PEAR1: variants seen among roughly 807,000 people sequenced by gnomAD.
The protein encoded by PEAR1 is multiple EGF-like domains protein 12.
PEAR1 carries 113 observed loss-of-function variants against 131.2 expected under a neutral mutation model. The observed-to-expected ratio is 0.86, with a 90% CI of 0.74 to 1.01. The LOEUF (loss-of-function observed/expected upper bound fraction) is 1.01, where lower values mean the gene tolerates loss of function less well. Ranked by LOEUF, PEAR1 falls within the 50% of genes least tolerant of loss-of-function variation. The pLI, the probability that PEAR1 is intolerant of heterozygous loss-of-function variation, is 0.00. For synonymous variants in PEAR1, 565 were observed against 523.3 expected, an observed-to-expected ratio of 1.08 and a Z score of -1.09; for missense variants, 1,408 against 1,391.1, an observed-to-expected ratio of 1.01 and a Z score of -0.19.
chr1:156,914,573 T>G (rs749256), intron 22 of PEAR1, 74 bp from the exon 23 acceptor site: 1 of 1,431,146 alleles, frequency 7.0e-7, no homozygotes, highest in Non-Finnish European at 9.5e-7. Flanking sequence ...AGGAGAGGAG[T>G]GCAGTGGGAG....
At chr1:156,910,538 A>T (rs1650943906) in intron 14 of PEAR1, 80 bp from the exon 15 acceptor site, 1 of 1,575,926 alleles carries the variant, frequency 6.3e-7, no homozygotes. Context: ...TGCAGTGGGA[A>T]GGTGGGAGGG....
rs1651353798 is a variant in PEAR1, at chr1:156,912,613, T to C, written c.2200T>C (p.Cys734Arg). 1 of 1,613,372 alleles carries C rather than the reference T, an allele frequency of 6.2e-7. No homozygotes were observed. The highest frequency in any genetic ancestry group is 8.5e-7 in the Non-Finnish European group (1 of 1,179,768). ...TCCCCCAGGGCACAGTGGTGCACCTTGCAGGATTGGTGAGTTCTTTGCCCT... is the reference window on the plus strand; with the variant it reads ...TCCCCCAGGGCACAGTGGTGCACCTCGCAGGATTGGTGAGTTCTTTGCCCT... ...VCPPGHSGAP[C>R]RIGIQEPFTV... The change falls in exon 17 of 23, where the codon TGC (cysteine) becomes CGC (arginine). Residue 734 changes from cysteine (C) to arginine (R), a missense_variant. Transcript: ENST00000292357.
rs368812212 is a variant in PEAR1 at position 156,907,675 on chromosome 1, A to G, written c.710A>G (p.Asn237Ser). The G allele has an allele frequency of 4.3e-6, 7 of 1,613,778 alleles. No homozygotes were observed. The highest frequency in any genetic ancestry group is 1.3e-5 in the African/African-American group (1 of 74,906). The change falls in exon 7 of 23, where the codon AAT becomes AGT. Residue 237 changes from asparagine to serine, a missense_variant. Physicochemically the swap from Asn to Ser is conservative, Grantham distance 46. Transcript: ENST00000292357. ...TGCCCCAGCACCCATTCTTGCCAAAATGGAGGTGTCTTCCAAACCCCACAG... is the reference window on the plus strand; with the variant it reads ...TGCCCCAGCACCCATTCTTGCCAAAGTGGAGGTGTCTTCCAAACCCCACAG... ...FFCPSTHSCQNGGVFQTPQGS... is the reference protein window; with the variant it reads ...FFCPSTHSCQSGGVFQTPQGS...
At position 156,913,494 on chromosome 1, in the gene PEAR1, G is replaced by A. The variant is rs533326674; in HGVS notation, c.2615G>A (p.Arg872Gln). The change falls in exon 20 of 23, where the codon CGG becomes CAG. Residue 872 changes from arginine (R) to glutamine (Q), a missense_variant. Arg to Gln is a conservative substitution (Grantham distance 43, BLOSUM62 1). Transcript: ENST00000292357. ...CTGCCTGCTGACTGGAAGCACCGCC[G>A]GGAGCCCCCTCCAGGGCCTCTGGAC... is the stretch of plus-strand genomic sequence containing the variant. ...TTLPADWKHRREPPPGPLDRG... is the reference protein window; with the variant it reads ...TTLPADWKHRQEPPPGPLDRG... 30 of 1,613,058 alleles carry A rather than the reference G, an allele frequency of 1.9e-5. No homozygotes were observed. Among genetic ancestry groups the A allele is most frequent in the East Asian group, 4.5e-5 (2 of 44,886 alleles).
intron 1 of PEAR1, among the ~76,000 whole-genome samples, chr1:156,901,746 CG>C (rs1394989847): frequency 2.6e-5 from 4 of 151,934 alleles, no homozygotes; most frequent in Admixed American, 2.6e-4. Flanking sequence ...ATGGAGGGCT[CG>C]GGGTCCTGAC....
At position 156,906,705 on chromosome 1, in the gene PEAR1, G is replaced by A. The variant is rs776225430; in HGVS notation, c.469G>A (p.Asp157Asn). 15 of 1,613,980 alleles carry A rather than the reference G, an allele frequency of 9.3e-6. No individual in the cohort carries two copies. Among genetic ancestry groups the A allele is most frequent in the Middle Eastern group, 1.6e-4 (1 of 6,084 alleles). The change falls in exon 6 of 23, where the codon GAT (aspartate) becomes AAT (asparagine). Residue 157 changes from aspartate (D) to asparagine (N), a missense_variant. Transcript: ENST00000292357. Reference protein sequence around the residue: ...PCSCGNNSSCDPKSGVCSCPS... With the variant: ...PCSCGNNSSCNPKSGVCSCPS... ...CAGCTGCGGCAACAACAGCTCGTGT[G>A]ATCCCAAGAGTGGGGTATGTTCTTG...
rs932613655 is a variant in PEAR1 at position 156,902,898 on chromosome 1, C to T, written c.-9-1020C>T. ...GTGGGGATGGAGAGGACCCCATTTC[C>T]GAATGGCTGACAGGGCAGTCTGAGG... On this transcript the variant is annotated intron_variant, in intron 1 of 22. Coordinates refer to ENST00000292357, the MANE Select transcript of PEAR1 (RefSeq NM_001080471.3). This position sits in a 1 kb window ranked among gnomAD's most constrained non-coding sequence, Gnocchi z 4.3. 3.9e-5 allele frequency among the ~76,000 whole-genome samples: 6 copies of T among 152,092 alleles called. No individual in the cohort carries two copies. The highest frequency in any genetic ancestry group is 1.3e-4 in the Admixed American group (2 of 15,272).
At position 156,910,025 on chromosome 1, in the gene PEAR1, G is replaced by T. The variant is rs1650865746; in HGVS notation, c.1595G>T (p.Gly532Val). Residue 532 changes from glycine to valine, a missense_variant, in exon 13 of 23, where the codon GGT becomes GTT. Transcript: ENST00000292357. ...LPCPKGQFGE[G>V]CASRCDCDHS... ...TCCAAGAAGGGGCAGTTTGGAGAAG[G>T]TTGTGCCAGTCGCTGTGACTGTGAC... The T allele has an allele frequency of 6.2e-7, 1 of 1,613,750 alleles. No individual in the cohort carries two copies. Among genetic ancestry groups the T allele is most frequent in the African/African-American group, 1.3e-5 (1 of 74,938 alleles).
chr1:156,907,236 C>T lies in PEAR1; in HGVS notation c.644+356C>T, dbSNP rs568695028. 7.2e-5 allele frequency among the ~76,000 whole-genome samples: 11 copies of T among 152,262 alleles called. No individual in the cohort carries two copies. In the South Asian group the frequency reaches 1.9e-3, roughly 26 times the overall value. ...GGGTGCAGGGGGAGCTGGGGAGTCC[C>T]GGGAGGGAGAAGGTAGACCTAGGTG... On this transcript the variant is annotated intron_variant, in intron 6 of 22. Coordinates refer to ENST00000292357, the MANE Select transcript of PEAR1 (RefSeq NM_001080471.3).
chr1:156,912,393 A>G lies in PEAR1; in HGVS notation c.2080+18A>G. 1 of 1,608,152 alleles carries G rather than the reference A, an allele frequency of 6.2e-7. No homozygotes were observed. ...CTTAGAAGGTACCAACAGAAGGGGA[A>G]CTCCAGGCCCCTGCCTCCAACTTAA... On this transcript the variant is annotated intron_variant, in intron 16 of 22. Coordinates refer to ENST00000292357, the MANE Select transcript of PEAR1 (RefSeq NM_001080471.3).
chr1:156,907,434 C>G (rs776912426), intron 6 of PEAR1, among the ~76,000 whole-genome samples, 176 bp from the exon 7 acceptor site: 6 of 152,212 alleles, frequency 3.9e-5, no homozygotes, highest in South Asian at 2.1e-4. Flanking sequence ...GCCAGGGTGT[C>G]CCTGCCATTT....
chr1:156,915,118 C>T lies in PEAR1; in HGVS notation c.*320C>T, dbSNP rs1326277744. On this transcript the variant is annotated 3_prime_UTR_variant, in exon 23 of 23. Coordinates refer to ENST00000292357, the MANE Select transcript of PEAR1 (RefSeq NM_001080471.3). ...GTGTGGGGTACCTTTTCTGTGCATG[C>T]TCAGCCTGGGCTCTGTGCGTGTGTG... The T allele has an allele frequency of 1.0e-5, 3 of 287,474 alleles. No homozygotes were observed. The highest frequency in any genetic ancestry group is 6.6e-5 in the African/African-American group (3 of 45,512). 17.8% of individuals were successfully genotyped at this position (287,474 alleles called of 1,614,324 possible). A position where few individuals can be genotyped will look rare whatever the true frequency, so the allele number is the denominator to read the frequency against.
At position 156,907,679 on chromosome 1, in the gene PEAR1, AG is replaced by A. The variant is rs1650490223; in HGVS notation, c.716del (p.Gly239ValfsTer138). On this transcript the variant is annotated frameshift_variant, in exon 7 of 23. Coordinates refer to ENST00000292357, the MANE Select transcript of PEAR1 (RefSeq NM_001080471.3). LOFTEE classifies it high-confidence loss of function. ...CPSTHSCQNG[G>X]VFQTPQGSCS... is the part of the protein sequence containing the mutation. ...CCAGCACCCATTCTTGCCAAAATGG[AG>A]GTGTCTTCCAAACCCCACAGGGCTC... The A allele has an allele frequency of 6.2e-7, 1 of 1,613,788 alleles. No individual in the cohort carries two copies. Among genetic ancestry groups the A allele is most frequent in the Non-Finnish European group, 8.5e-7 (1 of 1,179,856 alleles).
At chr1:156,899,891 G>A (rs192386675) in intron 1 of PEAR1, among the ~76,000 whole-genome samples, 24 of 152,244 alleles carry the variant, frequency 1.6e-4, no homozygotes, top group African/African-American at 5.5e-4. Context: ...AAGGGAGCCC[G>A]TGGGGAAGTC....
Position 156,904,866 on chromosome 1 carries a change from A to G in PEAR1, c.206+14A>G, listed in dbSNP as rs773231063. On this transcript the variant is annotated intron_variant, in intron 3 of 22. Coordinates refer to ENST00000292357, the MANE Select transcript of PEAR1 (RefSeq NM_001080471.3). The stretch of plus-strand genomic sequence containing the variant: ...CCCCCAGCCCACGTGAGTGCTCCTC[A>G]TCCTCCATGGGTGGATGGGCTACCT... 3.1e-6 allele frequency: 5 copies of G among 1,613,716 alleles called. No individual in the cohort carries two copies. The highest frequency in any genetic ancestry group is 4.2e-6 in the Non-Finnish European group (5 of 1,179,870).
At chr1:156,894,706 C>T (rs1648990277) in intron 1 of PEAR1, among the ~76,000 whole-genome samples, 1 of 152,250 alleles carries the variant, frequency 6.6e-6, no homozygotes, top group South Asian at 2.1e-4. Context: ...CCAGTAGCTG[C>T]TCTCCACTCC....
At chr1:156,906,927 G>T (rs878946870) in intron 6 of PEAR1, 47 bp downstream of exon 6, 1 of 1,581,646 alleles carries the variant, frequency 6.3e-7, no homozygotes, top group South Asian at 1.1e-5. Context: ...CAGACACAAG[G>T]CCACACAGAT....
chr1:156,913,129 CA>C, intron 18 of PEAR1, 64 bp from the exon 19 acceptor site: 1 of 1,570,826 alleles, frequency 6.4e-7, no homozygotes, highest in Non-Finnish European at 8.7e-7. Context: ...TCTCCGGGGA[CA>C]AAACAGCTCT....
intron 1 of PEAR1, among the ~76,000 whole-genome samples, chr1:156,896,591 C>G (rs1454348381): frequency 6.6e-6 from 1 of 152,250 alleles, no homozygotes; most frequent in African/African-American, 2.4e-5. Flanking sequence ...TGGGGCGTAG[C>G]CCGCTCACTG....
Sources: gnomAD v4.1 joint callset for allele counts (sites outside exome capture counted in the v4.1 genomes callset) on GRCh38, gnomAD v4.1.1 for gene constraint, Gnocchi (gnomAD v3.1) non-coding constraint, MANE v1.5 for transcripts, NCBI Gene and HGNC (gene_info 2026-07-23, HGNC 2026-07-21) for gene names.